HECW1: variants seen among roughly 807,000 people sequenced by gnomAD.
The protein encoded by HECW1 is E3 ubiquitin-protein ligase HECW1.
A neutral mutation model predicts 182.3 loss-of-function variants in HECW1; 61 were observed. The observed-to-expected ratio is 0.33, with a 90% CI of 0.27 to 0.41. The LOEUF (loss-of-function observed/expected upper bound fraction) is 0.41, where lower values mean the gene tolerates loss of function less well. Among genes scored for constraint, HECW1 ranks in the 10% least tolerant of loss-of-function variants. The pLI is 1.00. For synonymous variants in HECW1, 859 were observed against 832.6 expected, an observed-to-expected ratio of 1.03 and a Z score of -0.55; for missense variants, 1,739 against 2,108.9, an observed-to-expected ratio of 0.82 and a Z score of 3.44.
chr7:43,462,379 C>T (rs540117602), intron 13 of HECW1, among the ~76,000 whole-genome samples: 1 of 152,106 alleles, frequency 6.6e-6, no homozygotes, highest in African/African-American at 2.4e-5. Context: ...CTGGCCCTGC[C>T]TGGTTTTTTT....
intron 19 of HECW1, among the ~76,000 whole-genome samples, chr7:43,494,626 G>C (rs1055414868): frequency 1.3e-4 from 20 of 151,650 alleles, no homozygotes; most frequent in African/African-American, 4.6e-4. Context: ...GCCTCAACCT[G>C]ACAAGTAACT....
At chr7:43,530,446 T>C (rs575380495) in intron 24 of HECW1, among the ~76,000 whole-genome samples, 6 of 151,974 alleles carry the variant, frequency 3.9e-5, no homozygotes, top group Non-Finnish European at 8.8e-5. Flanking sequence ...CATAAGAAAA[T>C]ATCTCCATAC....
intron 5 of HECW1, among the ~76,000 whole-genome samples, chr7:43,331,926 G>A (rs1811548622): frequency 1.3e-5 from 2 of 152,136 alleles, no homozygotes; most frequent in Admixed American, 6.5e-5. Flanking sequence ...AAGGCCATGA[G>A]GAGTCAGTAG....
chr7:43,328,493 A>C (rs1811072748), intron 5 of HECW1, among the ~76,000 whole-genome samples: 1 of 152,184 alleles, frequency 6.6e-6, no homozygotes, highest in Non-Finnish European at 1.5e-5. Flanking sequence ...GCCAGAGGCC[A>C]ATCTGACTGA....
At chr7:43,115,951 T>C (rs1785010253) in intron 2 of HECW1, among the ~76,000 whole-genome samples, 1 of 152,194 alleles carries the variant, frequency 6.6e-6, no homozygotes, top group South Asian at 2.1e-4. Context: ...TTTATATTCA[T>C]CTCTCCAGCA....
chr7:43,221,082 A>T (rs908119836), intron 2 of HECW1, among the ~76,000 whole-genome samples: 2 of 152,164 alleles, frequency 1.3e-5, no homozygotes, highest in Admixed American at 1.3e-4. Context: ...TCTTCTAGTG[A>T]CCTGGAAGCA....
chr7:43,316,766 T>TCCCC (rs1562826287), intron 4 of HECW1, among the ~76,000 whole-genome samples: 1 of 4,530 alleles, frequency 2.2e-4, no homozygotes, highest in African/African-American at 8.3e-4. Context: ...TCCCCTCCCC[T>TCCCC]TTTCTCTCCT....
At chr7:43,491,292 A>G (rs2078924596) in intron 17 of HECW1, among the ~76,000 whole-genome samples, 1 of 152,240 alleles carries the variant, frequency 6.6e-6, no homozygotes, top group African/African-American at 2.4e-5. Context: ...CAGATTCCCT[A>G]TTTGTAAATT....
intron 2 of HECW1, among the ~76,000 whole-genome samples, chr7:43,234,505 C>G (rs1798142016): frequency 6.9e-6 from 1 of 145,902 alleles, no homozygotes; most frequent in African/African-American, 2.6e-5. Context: ...TCTCCCACCT[C>G]AGGCCTTTTT....
intron 3 of HECW1, among the ~76,000 whole-genome samples, chr7:43,292,415 A>G (rs1334096637): frequency 6.6e-6 from 1 of 152,254 alleles, no homozygotes; most frequent in African/African-American, 2.4e-5. Context: ...CCTGGAAACC[A>G]GCCTTGATAA....
Position 43,495,976 on chromosome 7 carries a change from T to C in HECW1, c.3437+2796T>C, listed in dbSNP as rs145959021. Among the ~76,000 whole-genome samples, 608 of 152,116 alleles carry C rather than the reference T, an allele frequency of 4.0e-3. 1 individual carries two copies. The highest frequency in any genetic ancestry group is 7.4e-3 in the Non-Finnish European group (505 of 68,026). On this transcript the variant is annotated intron_variant, in intron 19 of 29. Transcript: ENST00000395891. ...AGACACAAAAGTCTCATTTTAATCA[T>C]TAGAAAAGGTTTTTTTTTAAGTAAT...
At chr7:43,335,971 CTCTCTCTCTCTT>C (rs1812110966) in intron 5 of HECW1, among the ~76,000 whole-genome samples, 1 of 84,198 alleles carries the variant, frequency 1.2e-5, no homozygotes, top group South Asian at 3.4e-4. Flanking sequence ...CTTCCTTTCC[CTCTCTCTCTCTT>C]TCTCTCTCTC....
intron 6 of HECW1, among the ~76,000 whole-genome samples, chr7:43,383,283 T>A (rs1194393660): frequency 1.3e-5 from 2 of 152,250 alleles, no homozygotes; most frequent in Non-Finnish European, 2.9e-5. Context: ...TTTATGATCC[T>A]TTGGGTATAT....
chr7:43,286,773 A>G (rs889127800), intron 3 of HECW1, among the ~76,000 whole-genome samples: 1 of 152,184 alleles, frequency 6.6e-6, no homozygotes, highest in Non-Finnish European at 1.5e-5. Flanking sequence ...CTCGGCCTAC[A>G]TAGACTTTGA....
chr7:43,518,452 C>T (rs1179659393), intron 24 of HECW1, among the ~76,000 whole-genome samples: 1 of 151,480 alleles, frequency 6.6e-6, no homozygotes, highest in African/African-American at 2.4e-5. Flanking sequence ...GCCTGGATTG[C>T]GCCACTGCAC....
intron 6 of HECW1, among the ~76,000 whole-genome samples, chr7:43,388,343 G>T (rs1330272900): frequency 2.0e-5 from 3 of 152,184 alleles, no homozygotes; most frequent in Admixed American, 6.5e-5. Flanking sequence ...TTCAGGACAA[G>T]AACTGCAAAT....
chr7:43,188,108 A>G (rs904026980), intron 2 of HECW1, among the ~76,000 whole-genome samples: 9 of 152,218 alleles, frequency 5.9e-5, no homozygotes, highest in Non-Finnish European at 1.2e-4. Flanking sequence ...ACAGGGCAGA[A>G]TGTGGTTCCA....
intron 3 of HECW1, among the ~76,000 whole-genome samples, chr7:43,247,419 G>A (rs6975053): frequency 0.26 from 39,641 of 152,022 alleles, 6,162 homozygotes; most frequent in African/African-American, 0.44. Context: ...GGGGGATAGC[G>A]GGAGGATAGC....
At chr7:43,553,593 C>T (rs529014894) in intron 28 of HECW1, among the ~76,000 whole-genome samples, 101 of 148,014 alleles carry the variant, frequency 6.8e-4, no homozygotes, top group South Asian at 1.8e-3. Flanking sequence ...CCCTTGAACC[C>T]GGGAGGCAGA....
Sources: gnomAD v4.1 joint callset for allele counts (sites outside exome capture counted in the v4.1 genomes callset) on GRCh38, gnomAD v4.1.1 for gene constraint, MANE v1.5 for transcripts, NCBI Gene and HGNC (gene_info 2026-07-23, HGNC 2026-07-21) for gene names.